The following IFTAP variants were observed in gnomAD, a reference collection of about 807,000 sequenced individuals.
The protein encoded by IFTAP is intraflagellar transport associated protein.
Under a neutral mutation model 19.4 loss-of-function variants are expected in IFTAP, and 19 were observed. The observed-to-expected ratio is 0.98, with a 90% CI of 0.68 to 1.44. IFTAP has a LOEUF of 1.44. Among genes scored for constraint, IFTAP ranks in the 40% most tolerant of loss-of-function variants. The pLI is 0.00. For missense variants in IFTAP, 240 were observed against 253.6 expected, an observed-to-expected ratio of 0.95 and a Z score of 0.36; for synonymous variants, 85 against 83.5, an observed-to-expected ratio of 1.02 and a Z score of -0.10.
chr11:36,615,119 G>A lies in IFTAP; in HGVS notation c.136+4880G>A, dbSNP rs1281287594. On this transcript the variant is annotated intron_variant, in intron 2 of 5. Transcript: ENST00000334307. ...GTATAAGGTGTAAGGAAGGGATCCA[G>A]TTTCAGCTTTCTACATATGGCTAGC... 2.1e-5 allele frequency among the ~76,000 whole-genome samples: 2 copies of A among 94,108 alleles called. 1 individual carries two copies. Among genetic ancestry groups the A allele is most frequent in the African/African-American group, 1.0e-4 (2 of 19,390 alleles). 61.7% of individuals were successfully genotyped at this position (94,108 alleles called of 152,430 possible). A position where few individuals can be genotyped will look rare whatever the true frequency, so the allele number is the denominator to read the frequency against.
At chr11:36,645,140 T>C (rs1317924375) in intron 4 of IFTAP, among the ~76,000 whole-genome samples, 4 of 152,166 alleles carry the variant, frequency 2.6e-5, no homozygotes, top group Admixed American at 1.3e-4. Flanking sequence ...GTTAATTTTA[T>C]AAATATGCCA....
Position 36,636,075 on chromosome 11 carries a change from G to T in IFTAP, c.316G>T (p.Asp106Tyr). Reference protein sequence around the residue: ...EQVDNFLDLEDLDMDEEIKPQ... With the variant: ...EQVDNFLDLEYLDMDEEIKPQ... ...GGTAGATAATTTCCTAGATTTAGAA[G>T]ATTTGGACATGGATGAAGAGATTAA... The change falls in exon 4 of 6, where the codon GAT (aspartate) becomes TAT (tyrosine). Residue 106 changes from aspartate to tyrosine, a missense_variant. Physicochemically the swap from Asp to Tyr is radical, Grantham distance 160. Transcript: ENST00000334307. The T allele has an allele frequency of 6.2e-7, 1 of 1,608,994 alleles. No homozygotes were observed. The highest frequency in any genetic ancestry group is 8.5e-7 in the Non-Finnish European group (1 of 1,175,530).
intron 4 of IFTAP, among the ~76,000 whole-genome samples, chr11:36,638,670 T>A (rs1853063072): frequency 6.6e-6 from 1 of 152,222 alleles, no homozygotes. Flanking sequence ...AAATGTGACA[T>A]TTTAAATAGT....
intron 2 of IFTAP, among the ~76,000 whole-genome samples, chr11:36,626,604 C>T (rs898077617): frequency 6.6e-6 from 1 of 151,248 alleles, no homozygotes; most frequent in African/African-American, 2.5e-5. Context: ...GATCCCTGCT[C>T]TCCTTAGGGA....
chr11:36,602,493 G>A (rs1448955197), intron 1 of IFTAP, among the ~76,000 whole-genome samples: 1 of 152,016 alleles, frequency 6.6e-6, no homozygotes, highest in Non-Finnish European at 1.5e-5. Context: ...TATGAGGGTG[G>A]GATTAGGTTT....
At chr11:36,634,219 T>G (rs1852849899) in intron 3 of IFTAP, among the ~76,000 whole-genome samples, 1 of 152,160 alleles carries the variant, frequency 6.6e-6, no homozygotes, top group South Asian at 2.1e-4. Flanking sequence ...AGAGAGTCTT[T>G]AACCAGCATT....
rs115001407 is a variant in IFTAP at position 36,657,656 on chromosome 11, C to G, written c.499-1363C>G. On this transcript the variant is annotated intron_variant, in intron 5 of 5. Transcript: ENST00000334307. Reference sequence around the variant, plus strand: ...CTGGATCCAAATATTGCTTCTCTCCCTTACTAACTGTGTATTTTGGGCAAG... The same window carrying G: ...CTGGATCCAAATATTGCTTCTCTCCGTTACTAACTGTGTATTTTGGGCAAG... Among the ~76,000 whole-genome samples the G allele has an allele frequency of 6.1e-3, 935 of 152,258 alleles. 11 individuals carry two copies. The highest frequency in any genetic ancestry group is 0.022 in the African/African-American group (906 of 41,514).
intron 2 of IFTAP, among the ~76,000 whole-genome samples, chr11:36,632,551 G>T (rs1225035342): frequency 6.6e-6 from 1 of 150,990 alleles, no homozygotes; most frequent in Non-Finnish European, 1.5e-5. Context: ...CTTAATTTAG[G>T]ATTACTCTTA....
intron 2 of IFTAP, among the ~76,000 whole-genome samples, chr11:36,616,883 TATTCA>T (rs1348628020): frequency 6.6e-6 from 1 of 151,824 alleles, no homozygotes; most frequent in Admixed American, 6.6e-5. Flanking sequence ...AAAAAACTGA[TATTCA>T]ATTCATTTAT....
chr11:36,628,472 A>G (rs1590216961), intron 2 of IFTAP, among the ~76,000 whole-genome samples: 1 of 151,096 alleles, frequency 6.6e-6, no homozygotes, highest in South Asian at 2.1e-4. Flanking sequence ...TATCTCTCTT[A>G]TATCATCTGC....
At chr11:36,623,531 T>C (rs1469659441) in intron 2 of IFTAP, among the ~76,000 whole-genome samples, 1 of 152,204 alleles carries the variant, frequency 6.6e-6, no homozygotes, top group Non-Finnish European at 1.5e-5. Flanking sequence ...TAGGATATTA[T>C]AGCTTACAGA....
chr11:36,654,503 C>T (rs1335923241), intron 5 of IFTAP, among the ~76,000 whole-genome samples: 2 of 151,960 alleles, frequency 1.3e-5, no homozygotes, highest in Non-Finnish European at 2.9e-5. Flanking sequence ...GTGTTTTCCC[C>T]GACTCCTTTG....
intron 3 of IFTAP, among the ~76,000 whole-genome samples, chr11:36,634,499 AT>A (rs1425816252): frequency 6.6e-6 from 1 of 152,176 alleles, no homozygotes; most frequent in Non-Finnish European, 1.5e-5. Context: ...TGCTCAGCTA[AT>A]TAACAAAAAC....
At chr11:36,633,027 T>C (rs1006239188) in intron 2 of IFTAP, among the ~76,000 whole-genome samples, 2 of 151,246 alleles carry the variant, frequency 1.3e-5, no homozygotes, top group Non-Finnish European at 2.9e-5. Context: ...TATTAACTTT[T>C]TAACAGCGAC....
At chr11:36,650,188 G>A (rs1221017499) in intron 5 of IFTAP, among the ~76,000 whole-genome samples, 1 of 151,980 alleles carries the variant, frequency 6.6e-6, no homozygotes, top group East Asian at 1.9e-4. Flanking sequence ...ATAGCAAATG[G>A]GTCCTGAAGG....
At chr11:36,636,941 T>C (rs1452030006) in intron 4 of IFTAP, among the ~76,000 whole-genome samples, 1 of 149,268 alleles carries the variant, frequency 6.7e-6, no homozygotes, top group Non-Finnish European at 1.5e-5. Context: ...TTTTTTTTTT[T>C]AAACACTCAT....
At chr11:36,651,699 A>G (rs1436355374) in intron 5 of IFTAP, among the ~76,000 whole-genome samples, 5 of 152,060 alleles carry the variant, frequency 3.3e-5, no homozygotes, top group African/African-American at 9.7e-5. Context: ...TAACATTTAA[A>G]TCTTTAATCC....
chr11:36,654,207 C>T (rs961600234), intron 5 of IFTAP, among the ~76,000 whole-genome samples: 3 of 152,108 alleles, frequency 2.0e-5, no homozygotes, highest in African/African-American at 4.8e-5. Flanking sequence ...CCAAATCCAG[C>T]GGACACTTTC....
chr11:36,610,635 C>T (rs143637952), intron 2 of IFTAP, among the ~76,000 whole-genome samples: 1 of 152,084 alleles, frequency 6.6e-6, no homozygotes, highest in Non-Finnish European at 1.5e-5. Context: ...ATCCTGGGAT[C>T]ACCACTTACT....
Sources: gnomAD v4.1 joint callset for allele counts (sites outside exome capture counted in the v4.1 genomes callset) on GRCh38, gnomAD v4.1.1 for gene constraint, MANE v1.5 for transcripts, NCBI Gene and HGNC (gene_info 2026-07-23, HGNC 2026-07-21) for gene names.